TENM2: variants seen among roughly 807,000 people sequenced by gnomAD.
TENM2 encodes the protein teneurin-2.
Under a neutral mutation model 245.2 loss-of-function variants are expected in TENM2, and 52 were observed. The observed-to-expected ratio is 0.21, with a 90% CI of 0.17 to 0.27. The LOEUF (loss-of-function observed/expected upper bound fraction) is 0.27. Among genes scored for constraint, TENM2 ranks in the 10% least tolerant of loss-of-function variants. TENM2 has a pLI of 1.00. For missense variants in TENM2, 3,046 were observed against 3,666.8 expected (o/e 0.83, Z 4.37); for synonymous variants, 1,363 against 1,438.9 (o/e 0.95, Z 1.19).
chr5:168,088,504 C>T (rs999797893), intron 7 of TENM2, among the ~76,000 whole-genome samples: 14 of 152,160 alleles, frequency 9.2e-5, no homozygotes, highest in African/African-American at 3.1e-4. Flanking sequence ...CAGCGCCCCA[C>T]GTGTGAAACT....
At chr5:166,980,626 C>T in the TENM2 span, among the ~76,000 whole-genome samples, 2 of 152,032 alleles carry the variant, frequency 1.3e-5, no homozygotes, top group South Asian at 4.1e-4. Flanking sequence ...AACTGAAGGG[C>T]CAGTGAGTAA....
intron 1 of TENM2, among the ~76,000 whole-genome samples, chr5:167,334,017 TTAAA>T (rs1757612340): frequency 3.3e-5 from 5 of 152,316 alleles, no homozygotes; most frequent in Admixed American, 2.6e-4. Flanking sequence ...ATGTAAATAT[TTAAA>T]TAAGAATACA....
Position 167,675,525 on chromosome 5 carries a change from A to G in TENM2, c.503-200461A>G, listed in dbSNP as rs189534790. Among the ~76,000 whole-genome samples, 196 of 152,200 alleles carry G rather than the reference A, an allele frequency of 1.3e-3. 1 individual carries two copies. The highest frequency in any genetic ancestry group is 3.5e-3 in the African/African-American group (147 of 41,550). ...CGTGTCACCAGGACTGCCTGGCTTT[A>G]ATCAAAGCATCCCTGGGGTCATTTG... On this transcript the variant is annotated intron_variant, in intron 2 of 28. Coordinates refer to ENST00000518659, the Ensembl canonical transcript of TENM2.
intron 2 of TENM2, among the ~76,000 whole-genome samples, chr5:167,643,155 G>A (rs7443768): frequency 6.6e-6 from 1 of 152,116 alleles, no homozygotes; most frequent in African/African-American, 2.4e-5. Context: ...TCTGAGGGTA[G>A]AATTCAATGA....
rs184081908 is a variant in TENM2, at chr5:168,215,090, C to T, written c.3896C>T (p.Ser1299Leu). Residue 1299 changes from serine to leucine, a missense_variant, in exon 21 of 29, where the codon TCG becomes TTG. By Grantham distance (145) the Ser-to-Leu change is moderately radical (BLOSUM62 -2). Coordinates refer to ENST00000518659, the Ensembl canonical transcript of TENM2. ...TTGGCAGTGGACCCCGTGTCCGGCT[C>T]GCTCTACGTGTCCGACACCAACAGC... 114 of 1,613,824 alleles carry T rather than the reference C, an allele frequency of 7.1e-5. 3 individuals carry two copies. The highest frequency in any genetic ancestry group is 4.3e-4 in the South Asian group (39 of 91,060).
At chr5:167,217,758 GAT>G in the TENM2 span, among the ~76,000 whole-genome samples, 1 of 148,346 alleles carries the variant, frequency 6.7e-6, no homozygotes, top group Non-Finnish European at 1.5e-5. Context: ...ATGTGAGACA[GAT>G]ATATATATAT....
At chr5:167,237,753 G>A in the TENM2 span, among the ~76,000 whole-genome samples, 3 of 152,098 alleles carry the variant, frequency 2.0e-5, no homozygotes, top group South Asian at 2.1e-4. Context: ...GATGGCTCAC[G>A]CCTAATCCCA....
chr5:166,982,076 T>A, the TENM2 span, among the ~76,000 whole-genome samples: 22 of 152,296 alleles, frequency 1.4e-4, no homozygotes, highest in African/African-American at 5.1e-4. Flanking sequence ...AATACTATCA[T>A]CTTGATAGCC....
At chr5:168,261,476 T>C (rs1768182228) in intron 28 of TENM2, among the ~76,000 whole-genome samples, 1 of 152,230 alleles carries the variant, frequency 6.6e-6, no homozygotes, top group South Asian at 2.1e-4. Flanking sequence ...CCTGAGATTC[T>C]GCTTTTTGAA....
At chr5:167,067,323 A>T in the TENM2 span, among the ~76,000 whole-genome samples, 1 of 152,102 alleles carries the variant, frequency 6.6e-6, no homozygotes. Flanking sequence ...CTTTTTTTGA[A>T]GCCTTTGAAC....
At chr5:167,727,104 C>CTTTTTTTTTTTTT (rs1227700479) in intron 2 of TENM2, among the ~76,000 whole-genome samples, 7 of 96,122 alleles carry the variant, frequency 7.3e-5, no homozygotes, top group Non-Finnish European at 9.7e-5. Flanking sequence ...CCATTAATTT[C>CTTTTTTTTTTTTT]TTTTTTTTTT....
intron 2 of TENM2, among the ~76,000 whole-genome samples, chr5:167,871,658 G>A (rs954867366): frequency 1.3e-5 from 2 of 152,028 alleles, no homozygotes. Context: ...GTTTCCTTTC[G>A]TTTTTTAACA....
chr5:168,006,273 C>T (rs1020857134), intron 5 of TENM2, among the ~76,000 whole-genome samples: 4 of 152,162 alleles, frequency 2.6e-5, no homozygotes, highest in African/African-American at 9.7e-5. Flanking sequence ...GAAAAGACTA[C>T]CCTAAAGCTG....
intron 2 of TENM2, among the ~76,000 whole-genome samples, chr5:167,694,946 G>C (rs771526775): frequency 2.0e-5 from 3 of 152,214 alleles, no homozygotes; most frequent in Non-Finnish European, 4.4e-5. Context: ...TGACATTCCA[G>C]TTGAGCTGCA....
intron 2 of TENM2, among the ~76,000 whole-genome samples, chr5:167,635,912 G>T (rs919401390): frequency 6.6e-6 from 1 of 151,868 alleles, no homozygotes; most frequent in Non-Finnish European, 1.5e-5. Flanking sequence ...CCAAAGCACT[G>T]GGATTACAGG....
intron 13 of TENM2, among the ~76,000 whole-genome samples, chr5:168,188,923 A>G (rs925480690): frequency 1.3e-5 from 2 of 152,174 alleles, no homozygotes; most frequent in Non-Finnish European, 2.9e-5. Context: ...GGCTGCTACA[A>G]CAAAAATACC....
chr5:167,169,636 A>G, the TENM2 span, among the ~76,000 whole-genome samples: 1 of 152,228 alleles, frequency 6.6e-6, no homozygotes, highest in Non-Finnish European at 1.5e-5. Flanking sequence ...CTCAATAAAT[A>G]GTCTCTGTGC....
intron 1 of TENM2, among the ~76,000 whole-genome samples, chr5:167,339,224 G>T (rs1251993351): frequency 6.6e-6 from 1 of 152,168 alleles, no homozygotes; most frequent in Non-Finnish European, 1.5e-5. Context: ...CTCTCCTGCT[G>T]TAACACTGTG....
chr5:167,612,483 G>A (rs1777537871), intron 2 of TENM2, among the ~76,000 whole-genome samples: 2 of 151,864 alleles, frequency 1.3e-5, no homozygotes. Flanking sequence ...AATTTCCATG[G>A]CTACATACCC....
Sources: allele counts gnomAD v4.1 joint callset (sites outside exome capture counted in the v4.1 genomes callset), GRCh38; gene constraint gnomAD v4.1.1; transcripts MANE v1.5; gene names NCBI Gene and HGNC (gene_info 2026-07-23, HGNC 2026-07-21).